Variants in NEGR1 observed in about 807,000 individuals in gnomAD.
The protein encoded by NEGR1 is neuronal growth regulator 1.
A neutral mutation model predicts 40.9 loss-of-function variants in NEGR1; 10 were observed. That is an observed-to-expected ratio of 0.24 (90% CI 0.15 to 0.42). The LOEUF (loss-of-function observed/expected upper bound fraction) is 0.42. Among genes scored for constraint, NEGR1 ranks in the 10% least tolerant of loss-of-function variants. The pLI, the probability that NEGR1 is intolerant of heterozygous loss-of-function variation, is 1.00. For missense variants in NEGR1, 352 were observed against 438.9 expected (o/e 0.80, Z 1.77); for synonymous variants, 185 against 166.8 (o/e 1.11, Z -0.84).
chr1:71,674,356 G>A (rs1652537443), intron 4 of NEGR1, among the ~76,000 whole-genome samples: 1 of 152,092 alleles, frequency 6.6e-6, no homozygotes, highest in Non-Finnish European at 1.5e-5. Flanking sequence ...AATCAAATAT[G>A]CAAGAAAATC....
In NEGR1 at chr1:71,407,427, CTTTTATGGGTCTTTGAA is replaced by C. The variant is rs748750163; in HGVS notation, c.*2_*18del. 5 of 1,609,802 alleles carry C rather than the reference CTTTTATGGGTCTTTGAA, an allele frequency of 3.1e-6. No homozygotes were observed. Among genetic ancestry groups the C allele is most frequent in the Non-Finnish European group, 4.2e-6 (5 of 1,177,422 alleles). ...GCACTTTCAGAGAATCCTTAAAAGC[CTTTTATGGGTCTTTGAA>C]TTTATTGTAGAATGGCATTCTTCAG... On this transcript the variant is annotated 3_prime_UTR_variant, in exon 7 of 7. Transcript: ENST00000357731.
chr1:71,744,495 T>A (rs2101680012), intron 3 of NEGR1, among the ~76,000 whole-genome samples: 1 of 152,146 alleles, frequency 6.6e-6, no homozygotes, highest in East Asian at 1.9e-4. Flanking sequence ...CAAGGTTGAC[T>A]TTCATGGAGC....
chr1:72,067,861 T>C (rs573309150), intron 1 of NEGR1, among the ~76,000 whole-genome samples: 8 of 152,260 alleles, frequency 5.3e-5, no homozygotes, highest in Middle Eastern at 3.4e-3. Context: ...GAAGGTTATA[T>C]TCATTATAAA....
chr1:71,989,531 C>G (rs1188829896), intron 1 of NEGR1, among the ~76,000 whole-genome samples: 1 of 152,032 alleles, frequency 6.6e-6, no homozygotes, highest in African/African-American at 2.4e-5. Flanking sequence ...CTAGAGCTTA[C>G]ATAACTGCAA....
At chr1:72,214,300 C>T (rs545340720) in intron 1 of NEGR1, among the ~76,000 whole-genome samples, 13 of 152,008 alleles carry the variant, frequency 8.6e-5, no homozygotes, top group South Asian at 2.1e-4. Context: ...TTTTGAAAAC[C>T]GGCACAAGAC....
In NEGR1 at chr1:72,274,975, A is replaced by G. The variant is rs762985630; in HGVS notation, c.176+7344T>C. 9.6e-5 allele frequency: 147 copies of G among 1,527,758 alleles called. No homozygotes were observed. In the Middle Eastern group the frequency reaches 1.5e-3, roughly 16 times the overall value. The allele number at this position is 1,527,758 out of a possible 1,614,324, so 94.6% of individuals were successfully genotyped here. A position where few individuals can be genotyped will look rare whatever the true frequency, so the allele number is the denominator to read the frequency against. On this transcript the variant is annotated intron_variant, in intron 1 of 6. Transcript: ENST00000357731. ...CGATGTAGCAGCACAAGGGAAGTAC[A>G]TTGCCATAGTTAGTACGACTGTGGA... is the stretch of plus-strand genomic sequence containing the variant.
At chr1:71,745,722 G>T (rs1003106964) in intron 3 of NEGR1, among the ~76,000 whole-genome samples, 1 of 152,156 alleles carries the variant, frequency 6.6e-6, no homozygotes, top group Non-Finnish European at 1.5e-5. Flanking sequence ...TCTCACCATT[G>T]CAGTGAGCCG....
intron 1 of NEGR1, among the ~76,000 whole-genome samples, chr1:72,242,634 ATAT>A (rs1295517519): frequency 2.0e-5 from 3 of 151,696 alleles, no homozygotes; most frequent in Admixed American, 6.6e-5. Flanking sequence ...AAGTATACTT[ATAT>A]TAATAATAAT....
chr1:72,037,586 C>T (rs1646914336), intron 1 of NEGR1, among the ~76,000 whole-genome samples: 1 of 152,092 alleles, frequency 6.6e-6, no homozygotes, highest in Admixed American at 6.6e-5. Flanking sequence ...CCTTCGTTGT[C>T]ATTTTTTGTC....
intron 2 of NEGR1, among the ~76,000 whole-genome samples, chr1:71,921,630 CAT>C (rs2101883432): frequency 6.8e-6 from 1 of 146,292 alleles, no homozygotes; most frequent in Admixed American, 6.9e-5. Flanking sequence ...GTATAGAATA[CAT>C]ATATATTCTT....
chr1:71,615,909 G>A (rs915017571), intron 4 of NEGR1, among the ~76,000 whole-genome samples: 2 of 152,152 alleles, frequency 1.3e-5, no homozygotes, highest in African/African-American at 4.8e-5. Flanking sequence ...GCATAGAAAA[G>A]GCAGAAGCTG....
At chr1:72,090,875 A>C (rs937082209) in intron 1 of NEGR1, among the ~76,000 whole-genome samples, 5 of 152,170 alleles carry the variant, frequency 3.3e-5, no homozygotes, top group African/African-American at 1.2e-4. Flanking sequence ...GCCAGTCTCC[A>C]AAGTGCTGTT....
chr1:72,108,223 T>C (rs886221613), intron 1 of NEGR1, among the ~76,000 whole-genome samples: 14 of 151,678 alleles, frequency 9.2e-5, no homozygotes, highest in Non-Finnish European at 1.5e-4. Flanking sequence ...ACAAAAAGAT[T>C]CAGATTTTCT....
intron 4 of NEGR1, among the ~76,000 whole-genome samples, chr1:71,640,917 G>C (rs1006131681): frequency 6.6e-6 from 1 of 151,992 alleles, no homozygotes; most frequent in Admixed American, 6.6e-5. Flanking sequence ...CTCAACAGAG[G>C]CTTATGGGAT....
chr1:71,789,425 A>G (rs1657032545), intron 2 of NEGR1, among the ~76,000 whole-genome samples: 1 of 152,108 alleles, frequency 6.6e-6, no homozygotes, highest in African/African-American at 2.4e-5. Context: ...TTAGTCTTTA[A>G]CACATTCATT....
chr1:71,664,053 T>C (rs1652158199), intron 4 of NEGR1, among the ~76,000 whole-genome samples: 1 of 152,220 alleles, frequency 6.6e-6, no homozygotes, highest in East Asian at 1.9e-4. Flanking sequence ...GATGGAAACA[T>C]CTAGTGAACT....
intron 1 of NEGR1, among the ~76,000 whole-genome samples, chr1:72,004,754 C>T (rs760149078): frequency 9.9e-5 from 15 of 152,014 alleles, no homozygotes; most frequent in Non-Finnish European, 1.8e-4. Context: ...AGAAAAATCA[C>T]AAAACAATGC....
intron 6 of NEGR1, among the ~76,000 whole-genome samples, chr1:71,482,603 G>A (rs1008576515): frequency 6.6e-6 from 1 of 151,662 alleles, no homozygotes; most frequent in Non-Finnish European, 1.5e-5. Flanking sequence ...GTCATTAGAG[G>A]ATTTTGACAT....
intron 1 of NEGR1, among the ~76,000 whole-genome samples, chr1:72,277,170 C>T (rs996269270): frequency 2.6e-5 from 4 of 152,144 alleles, no homozygotes; most frequent in African/African-American, 9.7e-5. Flanking sequence ...CCTGAAGATA[C>T]TTGGCAAGGA....
Sources: allele counts gnomAD v4.1 joint callset (sites outside exome capture counted in the v4.1 genomes callset), GRCh38; gene constraint gnomAD v4.1.1; transcripts MANE v1.5; gene names NCBI Gene and HGNC (gene_info 2026-07-23, HGNC 2026-07-21).